FOXP4: variants seen among roughly 807,000 people sequenced by gnomAD.
FOXP4 encodes the protein forkhead box P4, also known as forkhead box protein P4.
A neutral mutation model predicts 82.6 loss-of-function variants in FOXP4; 25 were observed. The observed-to-expected ratio is 0.30, with a 90% CI of 0.22 to 0.42. The LOEUF is 0.42. Ranked by LOEUF, FOXP4 falls within the 10% of genes least tolerant of loss-of-function variation. The pLI is 1.00. For missense variants in FOXP4, 785 were observed against 900.9 expected (o/e 0.87, Z 1.65); for synonymous variants, 415 against 388.2 (o/e 1.07, Z -0.81).
At position 41,558,274 on chromosome 6, in the gene FOXP4, C is replaced by T. The variant is rs1261622000; in HGVS notation, c.-16-7471C>T. ...AGCAGTGCGTGACTCACATCACCCA[C>T]CTCTGGCTTCAGGACCTATTCTGGA... On this transcript the variant is annotated intron_variant, in intron 1 of 16. Transcript: ENST00000307972. This position sits in a 1 kb window ranked among gnomAD's most constrained non-coding sequence, Gnocchi z 4.0. Among the ~76,000 whole-genome samples, 1 of 152,192 alleles carries T rather than the reference C, an allele frequency of 6.6e-6. No homozygotes were observed. The highest frequency in any genetic ancestry group is 1.5e-5 in the Non-Finnish European group (1 of 68,028).
At chr6:41,555,248 C>A (rs1239646834) in intron 1 of FOXP4, among the ~76,000 whole-genome samples, 6 of 151,160 alleles carry the variant, frequency 4.0e-5, no homozygotes, top group African/African-American at 1.2e-4. Flanking sequence ...GAGACCCTGT[C>A]TCAAAAAAAA....
In FOXP4 at chr6:41,585,504, C is replaced by T. The variant is rs150633525; in HGVS notation, c.497C>T (p.Pro166Leu). 84 of 1,613,766 alleles carry T rather than the reference C, an allele frequency of 5.2e-5. No homozygotes were observed. The Middle Eastern group carries it at 9.9e-4, about 19-fold the overall frequency. The change falls in exon 5 of 17, where the codon CCG becomes CTG. Residue 166 changes from proline to leucine, a missense_variant. Pro to Leu is a moderately conservative substitution (Grantham distance 98). Transcript: ENST00000307972. ...CTCACCCAGCAGCAGGCTGGGAAAC[C>T]GCAGCCCAAAGAGGTAAGGGGCTGT... ...QLLTQQQAGKPQPKEALGNKQ... is the reference protein window; with the variant it reads ...QLLTQQQAGKLQPKEALGNKQ...
At chr6:41,552,345 G>T (rs942140873) in intron 1 of FOXP4, among the ~76,000 whole-genome samples, 2 of 152,148 alleles carry the variant, frequency 1.3e-5, no homozygotes, top group African/African-American at 4.8e-5. Flanking sequence ...CCAGCGAGAG[G>T]CTGCGGCTGT....
chr6:41,583,106 A>G (rs1256566411), intron 3 of FOXP4, among the ~76,000 whole-genome samples: 1 of 152,178 alleles, frequency 6.6e-6, no homozygotes, highest in African/African-American at 2.4e-5. Flanking sequence ...CTTCATTCAC[A>G]TGGTATGCCC....
At chr6:41,549,118 G>A (rs963957197) in intron 1 of FOXP4, among the ~76,000 whole-genome samples, 2 of 152,064 alleles carry the variant, frequency 1.3e-5, no homozygotes, top group African/African-American at 4.8e-5. Context: ...TGCGGGACGG[G>A]ACCCTCAGGA....
At chr6:41,578,432 C>T (rs945264061) in intron 3 of FOXP4, among the ~76,000 whole-genome samples, 9 of 152,008 alleles carry the variant, frequency 5.9e-5, no homozygotes, top group Non-Finnish European at 1.2e-4. Context: ...GCGTCCCTGT[C>T]GGTCACTCCC....
At position 41,558,863 on chromosome 6, in the gene FOXP4, G is replaced by T. The variant is rs1764419350; in HGVS notation, c.-16-6882G>T. On this transcript the variant is annotated intron_variant, in intron 1 of 16. Coordinates refer to ENST00000307972, the MANE Select transcript of FOXP4 (RefSeq NM_001012426.2). This position sits in a 1 kb window ranked among gnomAD's most constrained non-coding sequence, Gnocchi z 4.0. The stretch of plus-strand genomic sequence containing the variant: ...GTTTTATATCTCTTGACACAAGTAA[G>T]ATATAGCAGGATAGCTAGAAACAAA... Among the ~76,000 whole-genome samples the T allele has an allele frequency of 6.6e-6, 1 of 152,194 alleles. No individual in the cohort carries two copies. Among genetic ancestry groups the T allele is most frequent in the African/African-American group, 2.4e-5 (1 of 41,434 alleles).
At chr6:41,581,030 G>A (rs917988398) in intron 3 of FOXP4, among the ~76,000 whole-genome samples, 5 of 152,252 alleles carry the variant, frequency 3.3e-5, no homozygotes, top group Non-Finnish European at 5.9e-5. Flanking sequence ...ACAGGTGGCC[G>A]AGAGTTGAGG....
intron 1 of FOXP4, among the ~76,000 whole-genome samples, chr6:41,560,467 C>T (rs1371082418): frequency 6.6e-6 from 1 of 152,226 alleles, no homozygotes; most frequent in Non-Finnish European, 1.5e-5. Context: ...GTACGGGCTA[C>T]CTGTGGTCGT....
chr6:41,589,230 T>G (rs1766346380), intron 9 of FOXP4, among the ~76,000 whole-genome samples: 1 of 152,190 alleles, frequency 6.6e-6, no homozygotes, highest in East Asian at 1.9e-4. Flanking sequence ...GAGGGGACAC[T>G]CAGCAGCACA....
chr6:41,556,065 G>A (rs1025550511), intron 1 of FOXP4, among the ~76,000 whole-genome samples: 3 of 152,100 alleles, frequency 2.0e-5, no homozygotes, highest in African/African-American at 7.2e-5. Context: ...AAGGTAAGGT[G>A]GAGGGTGGTG....
chr6:41,567,732 GTC>G (rs1182483681), intron 2 of FOXP4, among the ~76,000 whole-genome samples: 1 of 152,202 alleles, frequency 6.6e-6, no homozygotes, highest in Non-Finnish European at 1.5e-5. Context: ...AGACAGAACT[GTC>G]TGTACTGATC....
At chr6:41,597,080 A>G in intron 14 of FOXP4, 96 bp from the exon 15 acceptor site, 2 of 1,339,646 alleles carry the variant, frequency 1.5e-6, no homozygotes, top group African/African-American at 1.4e-5. Flanking sequence ...AATGGGACCC[A>G]TTCCCAGCAC....
intron 1 of FOXP4, among the ~76,000 whole-genome samples, chr6:41,550,720 A>G (rs1056648840): frequency 1.3e-5 from 2 of 152,264 alleles, no homozygotes; most frequent in Admixed American, 6.5e-5. Context: ...GGGGGACTGT[A>G]GGTGCAGAAT....
chr6:41,547,828 G>GC (rs1264056848), intron 1 of FOXP4, among the ~76,000 whole-genome samples: 2 of 144,182 alleles, frequency 1.4e-5, no homozygotes, highest in African/African-American at 5.4e-5. Context: ...GACAACCCCA[G>GC]CACCTCTCTG....
chr6:41,584,276 C>T (rs1765968112), intron 3 of FOXP4, among the ~76,000 whole-genome samples: 1 of 152,246 alleles, frequency 6.6e-6, no homozygotes, highest in African/African-American at 2.4e-5. Context: ...CCTTCCCATG[C>T]TGTAGACTGC....
chr6:41,564,294 C>T (rs1000216507), intron 1 of FOXP4, among the ~76,000 whole-genome samples: 2 of 152,114 alleles, frequency 1.3e-5, no homozygotes, highest in African/African-American at 4.8e-5. Context: ...TGTTGCGTGC[C>T]TGTAGTACCA....
intron 13 of FOXP4, among the ~76,000 whole-genome samples, chr6:41,592,087 C>CGCCCCTGCAGGGAAGGT (rs1766550315): frequency 6.6e-6 from 1 of 151,992 alleles, no homozygotes; most frequent in Non-Finnish European, 1.5e-5. Flanking sequence ...AGAGAGTGTT[C>CGCCCCTGCAGGGAAGGT]GCCCCTGCAG....
intron 3 of FOXP4, among the ~76,000 whole-genome samples, chr6:41,581,136 T>A (rs908341015): frequency 2.0e-5 from 3 of 152,214 alleles, no homozygotes; most frequent in Non-Finnish European, 4.4e-5. Flanking sequence ...CTATCTTTCC[T>A]TGCTGCAGCT....
Sources: allele counts gnomAD v4.1 joint callset (sites outside exome capture counted in the v4.1 genomes callset), GRCh38; gene constraint gnomAD v4.1.1; non-coding constraint Gnocchi (gnomAD v3.1); transcripts MANE v1.5; gene names NCBI Gene and HGNC (gene_info 2026-07-23, HGNC 2026-07-21).